The following SMG1 variants were observed in gnomAD, a reference collection of about 807,000 sequenced individuals.
The protein encoded by SMG1 is SMG1 nonsense mediated mRNA decay associated PI3K related kinase.
Under a neutral mutation model 419.9 loss-of-function variants are expected in SMG1, and 22 were observed. That is an observed-to-expected ratio of 0.05 (90% CI 0.04 to 0.07). The LOEUF is 0.07. SMG1 is among the 10% of genes least tolerant of loss of function. The pLI, the probability that SMG1 is intolerant of heterozygous loss-of-function variation, is 1.00. For synonymous variants in SMG1, 1,538 were observed against 1,553.5 expected (o/e 0.99, Z 0.23); for missense variants, 3,185 against 4,342.0 (o/e 0.73, Z 7.49).
rs140380322 is a variant in SMG1 at position 18,857,114 on chromosome 16, A to G, written c.4234+1056T>C. 129 of 152,326 alleles carry G rather than the reference A, an allele frequency of 8.5e-4. 1 individual carries two copies. Among genetic ancestry groups the G allele is most frequent in the African/African-American group, 3.0e-3 (123 of 41,556 alleles). 9.4% of individuals were successfully genotyped at this position (152,326 alleles called of 1,614,324 possible). On this transcript the variant is annotated intron_variant, in intron 29 of 62. Transcript: ENST00000446231. The stretch of plus-strand genomic sequence containing the variant: ...AGGCCAATGATCCAACCCCAGGTAT[A>G]TTTGGCAGTGAAGGACCAGTTGAGT...
intron 3 of SMG1, among the ~76,000 whole-genome samples, chr16:18,894,056 CATAA>C (rs5816014): frequency 0.17 from 24,394 of 144,482 alleles, 3,407 homozygotes; most frequent in African/African-American, 0.39. Flanking sequence ...TACTCCATCT[CATAA>C]ATAAATAAAT....
chr16:18,878,139 C>G (rs1338113813), intron 11 of SMG1: 1 of 152,116 alleles, frequency 6.6e-6, no homozygotes, highest in African/African-American at 2.4e-5. Context: ...CGCGGTGGCT[C>G]ACGCCTGTAA....
intron 31 of SMG1, 142 bp from the exon 32 acceptor site, chr16:18,852,604 T>G: frequency 1.6e-6 from 1 of 632,130 alleles, no homozygotes; most frequent in Admixed American, 3.6e-5. Flanking sequence ...GTACATAACT[T>G]GAGAAGGCAC....
At chr16:18,831,540 A>G (rs2033171858) in intron 51 of SMG1, among the ~76,000 whole-genome samples, 1 of 152,124 alleles carries the variant, frequency 6.6e-6, no homozygotes, top group Non-Finnish European at 1.5e-5. Flanking sequence ...AAATACTGCT[A>G]AAAATTATAT....
intron 39 of SMG1, among the ~76,000 whole-genome samples, chr16:18,843,441 A>C (rs1379273311): frequency 1.3e-5 from 2 of 152,238 alleles, no homozygotes; most frequent in Admixed American, 6.5e-5. Flanking sequence ...ACATGCAGCA[A>C]ACTCAATAAT....
chr16:18,829,649 T>A lies in SMG1; in HGVS notation c.9240A>T (p.Lys3080Asn), dbSNP rs1364438064. ...AGTCAGCTGTGAATGCCTTGATAGG[T>A]TTGGCCATTTGGTCTTCACTGAAAC... ...NSCFSEDQMA[K>N]PIKAFTADFV... Residue 3080 changes from lysine to asparagine, a missense_variant, in exon 54 of 63, where the codon AAA becomes AAT. Coordinates refer to ENST00000446231, the MANE Select transcript of SMG1 (RefSeq NM_015092.5). The A allele has an allele frequency of 6.2e-7, 1 of 1,613,966 alleles. No homozygotes were observed. Among genetic ancestry groups the A allele is most frequent in the Admixed American group, 1.7e-5 (1 of 60,002 alleles).
Position 18,867,700 on chromosome 16 carries a change from C to CT in SMG1, c.3195+489dup, listed in dbSNP as rs778044384. 2.6e-3 allele frequency among the ~76,000 whole-genome samples: 231 copies of CT among 87,826 alleles called. 5 individuals carry two copies. The highest frequency in any genetic ancestry group is 3.3e-3 in the African/African-American group (74 of 22,198). The allele number at this position is 87,826 out of a possible 152,430, so 57.6% of individuals were successfully genotyped here. A position where few individuals can be genotyped will look rare whatever the true frequency, so the allele number is the denominator to read the frequency against. Reference sequence around the variant, plus strand: ...AAAAACATGAACATTATTTTAACTTCTTTTTTTTTTTTTTTTTTTTTTTTC... The same window carrying CT: ...AAAAACATGAACATTATTTTAACTTCTTTTTTTTTTTTTTTTTTTTTTTTTC... On this transcript the variant is annotated intron_variant, in intron 22 of 62. Coordinates refer to ENST00000446231, the MANE Select transcript of SMG1 (RefSeq NM_015092.5).
intron 1 of SMG1, among the ~76,000 whole-genome samples, chr16:18,914,958 T>C (rs79735235): frequency 9.4e-5 from 14 of 149,410 alleles, no homozygotes; most frequent in Non-Finnish European, 1.6e-4. Context: ...TTTTTTTTTT[T>C]CTGAGACGGA....
chr16:18,915,604 G>A (rs2037938376), intron 1 of SMG1, among the ~76,000 whole-genome samples: 1 of 152,088 alleles, frequency 6.6e-6, no homozygotes, highest in South Asian at 2.1e-4. Flanking sequence ...ATGCACATAT[G>A]CAGGTTGTAT....
intron 23 of SMG1, among the ~76,000 whole-genome samples, chr16:18,864,384 G>C (rs2035385088): frequency 6.6e-6 from 1 of 151,788 alleles, no homozygotes; most frequent in South Asian, 2.1e-4. Context: ...TTTTAGTAGA[G>C]ACGGGGTTTC....
At chr16:18,852,839 A>G (rs944729157) in intron 31 of SMG1, among the ~76,000 whole-genome samples, 3 of 152,206 alleles carry the variant, frequency 2.0e-5, no homozygotes, top group African/African-American at 7.2e-5. Context: ...AAAATAATAA[A>G]TAGGTGATGA....
intron 13 of SMG1, chr16:18,875,920 C>T (rs1244281741): frequency 1.7e-6 from 1 of 571,440 alleles, no homozygotes; most frequent in Non-Finnish European, 3.1e-6. Flanking sequence ...CAAGATTTGT[C>T]AAGGAAAAAG....
chr16:18,915,626 T>C (rs1469039136), intron 1 of SMG1, among the ~76,000 whole-genome samples: 2 of 152,050 alleles, frequency 1.3e-5, no homozygotes, highest in Non-Finnish European at 2.9e-5. Flanking sequence ...TTACTGGAGA[T>C]GGCACACATA....
In SMG1 at chr16:18,909,469, A is replaced by T. The variant is rs146400918; in HGVS notation, c.93-12513T>A. Among the ~76,000 whole-genome samples, 845 of 152,350 alleles carry T rather than the reference A, an allele frequency of 5.5e-3. 6 individuals carry two copies. The highest frequency in any genetic ancestry group is 0.019 in the African/African-American group (798 of 41,586). On this transcript the variant is annotated intron_variant, in intron 1 of 62. Coordinates refer to ENST00000446231, the MANE Select transcript of SMG1 (RefSeq NM_015092.5). ...TGAAACAGGAGGATCACTCGAGCCC[A>T]GGAGTTTGAGACCAGCCTGGGCAAC...
chr16:18,839,461 G>A (rs1437465763), intron 42 of SMG1, among the ~76,000 whole-genome samples: 3 of 152,038 alleles, frequency 2.0e-5, no homozygotes, highest in Non-Finnish European at 4.4e-5. Context: ...TTCTGTTCCT[G>A]TGTTAATTTG....
intron 1 of SMG1, among the ~76,000 whole-genome samples, chr16:18,918,896 A>C (rs1385952146): frequency 6.6e-6 from 1 of 151,152 alleles, no homozygotes; most frequent in African/African-American, 2.4e-5. Flanking sequence ...AGACTGTCTC[A>C]AAAAAAAAGA....
intron 1 of SMG1, among the ~76,000 whole-genome samples, chr16:18,907,406 TA>T (rs1596642462): frequency 1.3e-5 from 2 of 152,180 alleles, no homozygotes; most frequent in East Asian, 3.8e-4. Flanking sequence ...GCCCACATTG[TA>T]GTGCAGTGTG....
In SMG1 at chr16:18,828,044, A is replaced by G; in HGVS notation, c.9728T>C (p.Ile3243Thr). ...GGCAAAACACACCTGAACTGTTGCA[A>G]TAGAAGTTTCAATCTGGCTCAGGGT... ...LHTLSQIETSIATVQEKLAAL... is the reference protein window; with the variant it reads ...LHTLSQIETSTATVQEKLAAL... Residue 3243 changes from isoleucine to threonine, a missense_variant, in exon 55 of 63, where the codon ATT becomes ACT. Physicochemically the swap from Ile to Thr is moderately conservative, Grantham distance 89. Transcript: ENST00000446231. 1 of 1,612,414 alleles carries G rather than the reference A, an allele frequency of 6.2e-7. No individual in the cohort carries two copies. Among genetic ancestry groups the G allele is most frequent in the East Asian group, 2.2e-5 (1 of 44,866 alleles).
At chr16:18,820,057 C>T (rs1313818365) in intron 55 of SMG1, among the ~76,000 whole-genome samples, 10 of 152,162 alleles carry the variant, frequency 6.6e-5, no homozygotes, top group African/African-American at 2.4e-4. Flanking sequence ...CCTCTGTCAC[C>T]TGGGTTCAAG....
Sources: allele counts gnomAD v4.1 joint callset (sites outside exome capture counted in the v4.1 genomes callset), GRCh38; gene constraint gnomAD v4.1.1; transcripts MANE v1.5; gene names NCBI Gene and HGNC (gene_info 2026-07-23, HGNC 2026-07-21).